The following MREG variants were observed in gnomAD, a reference collection of about 807,000 sequenced individuals.
The protein encoded by MREG is melanoregulin.
A neutral mutation model predicts 28.5 loss-of-function variants in MREG; 31 were observed. That is an observed-to-expected ratio of 1.09 (90% CI 0.82 to 1.47). The LOEUF (loss-of-function observed/expected upper bound fraction) is 1.47, where lower values mean the gene tolerates loss of function less well. MREG is among the 40% of genes most tolerant of loss of function. The pLI is 0.00. For synonymous variants in MREG, 106 were observed against 95.2 expected (o/e 1.11, Z -0.66); for missense variants, 256 against 257.4 (o/e 0.99, Z 0.04).
chr2:215,946,132 C>G (rs1377060367), intron 3 of MREG, among the ~76,000 whole-genome samples: 1 of 151,856 alleles, frequency 6.6e-6, no homozygotes, highest in Non-Finnish European at 1.5e-5. Flanking sequence ...TTCTCCAAAC[C>G]TGGATTTTCT....
intron 2 of MREG, among the ~76,000 whole-genome samples, chr2:215,962,722 C>T (rs888098550): frequency 5.3e-5 from 8 of 150,202 alleles, no homozygotes; most frequent in African/African-American, 2.0e-4. Flanking sequence ...CCTCCACATC[C>T]AGACCTGTGT....
At position 215,943,219 on chromosome 2, in the gene MREG, C is replaced by CA; in HGVS notation, c.*1643dup. On this transcript the variant is annotated 3_prime_UTR_variant, in exon 5 of 5. Transcript: ENST00000263268. ...CTCAGCAATCTATGGATTAACCTTA[C>CA]AAATCCTTAAAGTCTTTTCAGTAAC... The CA allele has an allele frequency of 3.4e-6, 1 of 294,124 alleles. No individual in the cohort carries two copies. The highest frequency in any genetic ancestry group is 6.8e-6 in the Non-Finnish European group (1 of 146,056). The allele number at this position is 294,124 out of a possible 1,614,324, so 18.2% of individuals were successfully genotyped here.
At chr2:216,012,635 A>G (rs1694343318) in intron 1 of MREG, among the ~76,000 whole-genome samples, 1 of 152,222 alleles carries the variant, frequency 6.6e-6, no homozygotes, top group Admixed American at 6.5e-5. Flanking sequence ...TCTCTTCACA[A>G]AGCCTCTTAG....
At chr2:216,001,021 T>C (rs748896814) in intron 1 of MREG, among the ~76,000 whole-genome samples, 7 of 147,888 alleles carry the variant, frequency 4.7e-5, no homozygotes, top group Non-Finnish European at 7.4e-5. Flanking sequence ...TCTAGCTGTC[T>C]CTGTCTCTCT....
rs760998928 is a variant in MREG at position 216,013,247 on chromosome 2, C to T, written c.81G>A (p.Lys27=). 6.5e-7 allele frequency: 1 copy of T among 1,549,682 alleles called. No homozygotes were observed. Among genetic ancestry groups the T allele is most frequent in the South Asian group, 1.2e-5 (1 of 84,046 alleles). Residue 27 remains lysine, a synonymous_variant, in exon 1 of 5, where the codon AAG becomes AAA. Coordinates refer to ENST00000263268, the MANE Select transcript of MREG (RefSeq NM_018000.3). The part of the protein sequence containing the change: ...ECLEERALPE[K]EPLVSDNNPY... ...GGCGCACCCACCTGACGAGGGGCTC[C>T]TTCTCAGGCAGGGCGCGCTCCTCCA...
intron 2 of MREG, among the ~76,000 whole-genome samples, chr2:215,986,217 T>C (rs576016823): frequency 1.3e-5 from 2 of 152,338 alleles, no homozygotes; most frequent in African/African-American, 4.8e-5. Flanking sequence ...GCATATTTTT[T>C]AATTGAGTTA....
chr2:215,977,802 G>A (rs928738294), intron 2 of MREG, among the ~76,000 whole-genome samples: 1 of 152,134 alleles, frequency 6.6e-6, no homozygotes, highest in Non-Finnish European at 1.5e-5. Flanking sequence ...ATGAAATGAA[G>A]GCAGAAATAA....
At chr2:216,017,153 G>A (rs4430956), upstream of MREG, among the ~76,000 whole-genome samples, 7,097 of 152,152 alleles carry the variant, frequency 0.047, 195 homozygotes, top group Middle Eastern at 0.085. Flanking sequence ...TGCTGTTATT[G>A]TTAGTGAGTT....
intron 2 of MREG, among the ~76,000 whole-genome samples, chr2:215,974,865 C>CTT (rs1414590854): frequency 1.3e-5 from 2 of 150,542 alleles, no homozygotes; most frequent in South Asian, 2.1e-4. Context: ...CTCTCTCTCT[C>CTT]TCTCTCTCTC....
intron 2 of MREG, among the ~76,000 whole-genome samples, chr2:215,962,084 C>G (rs888752423): frequency 2.6e-5 from 4 of 152,174 alleles, no homozygotes; most frequent in Non-Finnish European, 1.5e-5. Context: ...TGACCTAGAA[C>G]AGGTCAAATG....
chr2:215,958,531 C>T (rs977189093), intron 2 of MREG, among the ~76,000 whole-genome samples: 4 of 152,220 alleles, frequency 2.6e-5, no homozygotes, highest in African/African-American at 9.6e-5. Flanking sequence ...ATGCAAGCAG[C>T]CACAGCGCTC....
intron 2 of MREG, among the ~76,000 whole-genome samples, chr2:215,947,774 GA>G (rs1423506634): frequency 6.6e-6 from 1 of 152,096 alleles, no homozygotes; most frequent in Non-Finnish European, 1.5e-5. Flanking sequence ...ATTTTCCTTT[GA>G]TAGGATGAAT....
intron 2 of MREG, among the ~76,000 whole-genome samples, chr2:215,987,303 T>G (rs966094929): frequency 6.8e-6 from 1 of 146,944 alleles, no homozygotes; most frequent in African/African-American, 2.5e-5. Flanking sequence ...CAGAGTGCAG[T>G]GGCGTGATCT....
At chr2:215,952,714 T>G (rs1692521470) in intron 2 of MREG, among the ~76,000 whole-genome samples, 2 of 152,012 alleles carry the variant, frequency 1.3e-5, no homozygotes, top group Non-Finnish European at 2.9e-5. Context: ...AGAAATAAAA[T>G]ATCAAAGAGA....
In MREG at chr2:215,944,993, C is replaced by T. The variant is rs375428167; in HGVS notation, c.515G>A (p.Arg172His). Residue 172 changes from arginine to histidine, a missense_variant, in exon 5 of 5, where the codon CGT (arginine) becomes CAT (histidine). Physicochemically the swap from Arg to His is conservative, Grantham distance 29. Transcript: ENST00000263268. The part of the protein sequence containing the change: ...LSERYLFVVD[R>H]LIALDAAEEF... The stretch of plus-strand genomic sequence containing the variant: ...TTCTGCAGCATCAAGTGCAATGAGA[C>T]GGTCCTGCAAAAACAAACAACAAAC... 12 of 1,575,424 alleles carry T rather than the reference C, an allele frequency of 7.6e-6. No homozygotes were observed. The highest frequency in any genetic ancestry group is 1.7e-4 in the Middle Eastern group (1 of 5,932).
At chr2:215,957,330 C>T (rs946218991) in intron 2 of MREG, among the ~76,000 whole-genome samples, 1 of 152,170 alleles carries the variant, frequency 6.6e-6, no homozygotes, top group African/African-American at 2.4e-5. Context: ...ATTCACAGGA[C>T]ACACCACCTT....
chr2:215,957,608 A>C lies in MREG; in HGVS notation c.256-10495T>G, dbSNP rs115543525. On this transcript the variant is annotated intron_variant, in intron 2 of 4. Transcript: ENST00000263268. ...TTGGGGCTGAGCTGTGCTTGTCTGC[A>C]GCAGGGAGGGCTGTGAGACTCCCTG... Among the ~76,000 whole-genome samples the C allele has an allele frequency of 1.1e-3, 162 of 152,278 alleles. 1 individual carries two copies. The highest frequency in any genetic ancestry group is 3.7e-3 in the African/African-American group (152 of 41,562).
intron 2 of MREG, among the ~76,000 whole-genome samples, chr2:215,976,862 A>T (rs1025717537): frequency 1.3e-5 from 2 of 152,196 alleles, no homozygotes; most frequent in African/African-American, 4.8e-5. Flanking sequence ...CCTGCCTTAC[A>T]AGAGCTCCTG....
chr2:216,030,948 T>TCA (rs1416270025), intron 1 of MREG, among the ~76,000 whole-genome samples: 4 of 97,396 alleles, frequency 4.1e-5, no homozygotes, highest in East Asian at 5.1e-4. Context: ...TCTCTCTCTC[T>TCA]CTCTCTCTCA....
Sources: allele counts gnomAD v4.1 joint callset (sites outside exome capture counted in the v4.1 genomes callset), GRCh38; gene constraint gnomAD v4.1.1; transcripts MANE v1.5; gene names NCBI Gene and HGNC (gene_info 2026-07-23, HGNC 2026-07-21).